The following WDPCP variants were observed in gnomAD, a reference collection of about 807,000 sequenced individuals.
WDPCP encodes the protein WD repeat containing planar cell polarity effector.
WDPCP carries 71 observed loss-of-function variants against 93.1 expected under a neutral mutation model. The observed-to-expected ratio is 0.76, with a 90% confidence interval of 0.63 to 0.93. The LOEUF is 0.93. Ranked by LOEUF, WDPCP falls within the 40% of genes least tolerant of loss-of-function variation. The pLI is 0.00. For synonymous variants in WDPCP, 315 were observed against 315.0 expected, an observed-to-expected ratio of 1.00 and a Z score of 0.00; for missense variants, 844 against 887.4, an observed-to-expected ratio of 0.95 and a Z score of 0.62.
intron 2 of WDPCP, among the ~76,000 whole-genome samples, chr2:63,689,118 A>G (rs1330506347): frequency 6.6e-6 from 1 of 152,184 alleles, no homozygotes. Context: ...ACAACAGAAA[A>G]TGTGCTAAGA....
At chr2:63,422,546 GA>G (rs758022013) in intron 9 of WDPCP, among the ~76,000 whole-genome samples, 141 of 152,256 alleles carry the variant, frequency 9.3e-4, no homozygotes, top group Admixed American at 1.5e-3. Flanking sequence ...GAGTTGAGTG[GA>G]AGTGTCTCTT....
chr2:63,423,222 G>A (rs548830920), intron 9 of WDPCP, among the ~76,000 whole-genome samples: 1 of 152,270 alleles, frequency 6.6e-6, no homozygotes, highest in African/African-American at 2.4e-5. Context: ...ATAATAAAGA[G>A]GTTTCTTTAA....
intron 2 of WDPCP, among the ~76,000 whole-genome samples, chr2:63,797,390 T>C (rs1262002601): frequency 6.6e-6 from 1 of 152,076 alleles, no homozygotes; most frequent in Non-Finnish European, 1.5e-5. Flanking sequence ...CTCTTGGGGT[T>C]CCTGATTCTA....
chr2:63,803,577 G>T (rs1172558210), intron 2 of WDPCP, among the ~76,000 whole-genome samples: 1 of 151,816 alleles, frequency 6.6e-6, no homozygotes, highest in Non-Finnish European at 1.5e-5. Context: ...TGGCTTTTTG[G>T]GGTACTTTTT....
chr2:63,672,094 C>A (rs1391701697), intron 2 of WDPCP, among the ~76,000 whole-genome samples: 1 of 152,186 alleles, frequency 6.6e-6, no homozygotes, highest in Non-Finnish European at 1.5e-5. Context: ...TATAGGGGGT[C>A]TAACCTAAGC....
intron 2 of WDPCP, among the ~76,000 whole-genome samples, chr2:63,748,872 C>A (rs1483042131): frequency 6.6e-6 from 1 of 151,952 alleles, no homozygotes; most frequent in Non-Finnish European, 1.5e-5. Flanking sequence ...TGGTGGGATA[C>A]TATAGATTAA....
intron 10 of WDPCP, among the ~76,000 whole-genome samples, chr2:63,402,103 T>A (rs1381307334): frequency 6.6e-6 from 1 of 152,142 alleles, no homozygotes; most frequent in Non-Finnish European, 1.5e-5. Context: ...AAAGAAAATG[T>A]GGTACATATA....
intron 1 of WDPCP, among the ~76,000 whole-genome samples, chr2:63,543,075 A>G (rs1045232448): frequency 6.6e-6 from 1 of 152,218 alleles, no homozygotes; most frequent in Non-Finnish European, 1.5e-5. Context: ...TTCATAAAAC[A>G]TAAATCTAGA....
intron 14 of WDPCP, among the ~76,000 whole-genome samples, chr2:63,217,105 C>T (rs1677423686): frequency 6.6e-6 from 1 of 152,196 alleles, no homozygotes; most frequent in African/African-American, 2.4e-5. Context: ...AAACTAAGTT[C>T]AGACAAAATC....
chr2:63,539,143 C>T (rs1462650454), intron 1 of WDPCP, among the ~76,000 whole-genome samples: 2 of 152,082 alleles, frequency 1.3e-5, no homozygotes, highest in Non-Finnish European at 2.9e-5. Flanking sequence ...AAAAGTGAAA[C>T]TTTCCCCAAT....
intron 1 of WDPCP, among the ~76,000 whole-genome samples, chr2:63,552,632 A>G (rs945538830): frequency 6.6e-6 from 1 of 152,166 alleles, no homozygotes; most frequent in Non-Finnish European, 1.5e-5. Flanking sequence ...AAATTAGTTG[A>G]GAAGACAAAG....
At position 63,420,361 on chromosome 2, in the gene WDPCP, T is replaced by TA. The variant is rs60889615; in HGVS notation, c.825+13383dup. Reference sequence around the variant, plus strand: ...AACATAGAGACACCCCATCTTTACTTAAAAAAAAAAAAAAACAGAAAAATT... The same window carrying TA: ...AACATAGAGACACCCCATCTTTACTTAAAAAAAAAAAAAAAACAGAAAAATT... On this transcript the variant is annotated intron_variant, in intron 9 of 17. Coordinates refer to ENST00000272321, the MANE Select transcript of WDPCP (RefSeq NM_015910.7). 4.8e-3 allele frequency among the ~76,000 whole-genome samples: 577 copies of TA among 120,482 alleles called. 2 individuals are homozygous for TA. The highest frequency in any genetic ancestry group is 7.7e-3 in the South Asian group (29 of 3,770). The allele number at this position is 120,482 out of a possible 152,430, so 79.0% of individuals were successfully genotyped here.
At chr2:63,594,324 G>A in intron 3 of WDPCP, 1 of 730,588 alleles carries the variant, frequency 1.4e-6, no homozygotes, top group Admixed American at 1.7e-5. Context: ...ATAACACCAC[G>A]TAAATATGCA....
chr2:63,630,665 A>G (rs1044379060), intron 3 of WDPCP, among the ~76,000 whole-genome samples: 4 of 152,210 alleles, frequency 2.6e-5, no homozygotes, highest in Non-Finnish European at 5.9e-5. Context: ...CAAATACACA[A>G]TCATAGTTGG....
At chr2:63,409,120 A>G (rs1401616838) in intron 9 of WDPCP, among the ~76,000 whole-genome samples, 2 of 152,028 alleles carry the variant, frequency 1.3e-5, no homozygotes, top group African/African-American at 2.4e-5. Flanking sequence ...TAAACCACCA[A>G]AGCTAAGAAC....
At chr2:63,431,663 G>A (rs115139228) in intron 9 of WDPCP, among the ~76,000 whole-genome samples, 2,245 of 151,474 alleles carry the variant, frequency 0.015, 50 homozygotes, top group African/African-American at 0.05. Context: ...TAAAGATTAT[G>A]TCTTCACACA....
At chr2:63,526,173 G>A (rs1703326826) in intron 1 of WDPCP, among the ~76,000 whole-genome samples, 1 of 152,074 alleles carries the variant, frequency 6.6e-6, no homozygotes, top group Non-Finnish European at 1.5e-5. Context: ...TTCTATTTAA[G>A]GCACAGATCC....
At chr2:63,135,216 G>A (rs564729007) in intron 17 of WDPCP, among the ~76,000 whole-genome samples, 5 of 152,218 alleles carry the variant, frequency 3.3e-5, no homozygotes, top group African/African-American at 4.8e-5. Context: ...TTCAGGGCAC[G>A]TGATGTTTTT....
intron 17 of WDPCP, among the ~76,000 whole-genome samples, chr2:63,122,856 A>T (rs1335014768): frequency 6.6e-6 from 1 of 152,192 alleles, no homozygotes; most frequent in African/African-American, 2.4e-5. Context: ...AAGTAATTTT[A>T]AAAAATAAAT....
Sources: gnomAD v4.1 joint callset for allele counts (sites outside exome capture counted in the v4.1 genomes callset) on GRCh38, gnomAD v4.1.1 for gene constraint, MANE v1.5 for transcripts, NCBI Gene and HGNC (gene_info 2026-07-23, HGNC 2026-07-21) for gene names.